Variants in SLC25A21 observed in about 807,000 individuals in gnomAD.
SLC25A21 encodes solute carrier family 25 member 21, also known as mitochondrial 2-oxodicarboxylate carrier.
A neutral mutation model predicts 43.8 loss-of-function variants in SLC25A21; 47 were observed. That is an observed-to-expected ratio of 1.07 (90% CI 0.85 to 1.37). SLC25A21 has a LOEUF of 1.37. SLC25A21 is among the 40% of genes most tolerant of loss of function. SLC25A21 has a pLI of 0.00. For synonymous variants in SLC25A21, 131 were observed against 121.3 expected (o/e 1.08, Z -0.52); for missense variants, 352 against 350.2 (o/e 1.00, Z -0.04).
intron 1 of SLC25A21, among the ~76,000 whole-genome samples, chr14:37,151,111 T>C (rs986711302): frequency 3.3e-5 from 5 of 152,204 alleles, no homozygotes; most frequent in Admixed American, 1.3e-4. Context: ...TCGAGTTCTA[T>C]TGAATTTCAT....
intron 1 of SLC25A21, among the ~76,000 whole-genome samples, chr14:37,030,190 A>G (rs1267049997): frequency 6.6e-6 from 1 of 152,242 alleles, no homozygotes; most frequent in Non-Finnish European, 1.5e-5. Context: ...AAATACATTT[A>G]CTTTTCATTA....
chr14:36,752,950 T>A (rs1351287977), intron 3 of SLC25A21, among the ~76,000 whole-genome samples: 1 of 152,214 alleles, frequency 6.6e-6, no homozygotes, highest in Non-Finnish European at 1.5e-5. Context: ...AGTCAATATA[T>A]AACCCAGTCT....
chr14:37,073,815 T>A (rs1594780662), intron 1 of SLC25A21, among the ~76,000 whole-genome samples: 1 of 152,138 alleles, frequency 6.6e-6, no homozygotes, highest in East Asian at 1.9e-4. Context: ...CAGGTTAGCC[T>A]CCTGCGATCC....
At chr14:37,006,811 C>A (rs1463605545) in intron 1 of SLC25A21, among the ~76,000 whole-genome samples, 3 of 152,048 alleles carry the variant, frequency 2.0e-5, no homozygotes, top group African/African-American at 4.8e-5. Context: ...TTTAGAAGCA[C>A]AGAAATATAT....
rs1051763295 is a variant in SLC25A21 at position 36,678,713 on chromosome 14, T to C, written c.*1945A>G. On this transcript the variant is annotated 3_prime_UTR_variant, in exon 10 of 10. Coordinates refer to ENST00000331299, the MANE Select transcript of SLC25A21 (RefSeq NM_030631.4). ...ATAATGTTATTTTCTTTATCTAAAT[T>C]AAGAAATCTCTTGTTATTGTGCTAT... The C allele has an allele frequency of 8.2e-7, 1 of 1,215,060 alleles. No homozygotes were observed. Among genetic ancestry groups the C allele is most frequent in the East Asian group, 3.2e-5 (1 of 30,948 alleles). 75.3% of individuals were successfully genotyped at this position (1,215,060 alleles called of 1,614,324 possible).
chr14:36,894,518 G>C (rs1175829677), intron 1 of SLC25A21, among the ~76,000 whole-genome samples: 24 of 151,924 alleles, frequency 1.6e-4, no homozygotes, highest in Non-Finnish European at 1.5e-5. Flanking sequence ...TTTCCTAATT[G>C]AATACCCTTT....
intron 1 of SLC25A21, among the ~76,000 whole-genome samples, chr14:37,019,990 T>C (rs866731415): frequency 5.9e-5 from 9 of 152,088 alleles, no homozygotes; most frequent in Middle Eastern, 3.4e-3. Flanking sequence ...AATCTAAACA[T>C]GTGAGATAAA....
At chr14:36,945,024 T>C (rs545538892) in intron 1 of SLC25A21, among the ~76,000 whole-genome samples, 115 of 152,246 alleles carry the variant, frequency 7.6e-4, no homozygotes, top group Non-Finnish European at 1.2e-3. Flanking sequence ...TCCTAGTCAG[T>C]CTTCTCAGGA....
chr14:36,796,895 C>G (rs1038284593), intron 3 of SLC25A21, among the ~76,000 whole-genome samples: 1 of 152,086 alleles, frequency 6.6e-6, no homozygotes, highest in South Asian at 2.1e-4. Context: ...CTGGACTCAG[C>G]GAGTAAGCCT....
chr14:36,788,710 T>A (rs1268045924), intron 3 of SLC25A21: 1 of 151,924 alleles, frequency 6.6e-6, no homozygotes, highest in Non-Finnish European at 1.5e-5. Context: ...GTGGAAATCT[T>A]TGGATTCTGA....
intron 1 of SLC25A21, among the ~76,000 whole-genome samples, chr14:36,919,080 AATGAATGG>A (rs1396783752): frequency 6.6e-6 from 1 of 151,858 alleles, no homozygotes; most frequent in East Asian, 1.9e-4. Flanking sequence ...ATATAAAATA[AATGAATGG>A]ATGAATGAAT....
chr14:37,133,851 C>T (rs1333249220), intron 1 of SLC25A21, among the ~76,000 whole-genome samples: 2 of 152,110 alleles, frequency 1.3e-5, no homozygotes, highest in African/African-American at 4.8e-5. Context: ...CCTTCAATAC[C>T]CAACATAATT....
At chr14:37,167,729 T>C (rs550264200) in intron 1 of SLC25A21, among the ~76,000 whole-genome samples, 8 of 152,194 alleles carry the variant, frequency 5.3e-5, no homozygotes, top group African/African-American at 1.7e-4. Context: ...TTGAGATATT[T>C]TGCAGACCCT....
chr14:36,975,002 C>T (rs538905880), intron 1 of SLC25A21, among the ~76,000 whole-genome samples: 1 of 152,258 alleles, frequency 6.6e-6, no homozygotes, highest in African/African-American at 2.4e-5. Flanking sequence ...TGATGACTTC[C>T]ATTTTTAAAG....
At chr14:36,936,693 A>G (rs180973718) in intron 1 of SLC25A21, among the ~76,000 whole-genome samples, 2 of 152,310 alleles carry the variant, frequency 1.3e-5, no homozygotes, top group East Asian at 1.9e-4. Flanking sequence ...GAACGGTAAT[A>G]TAAGTAAACG....
chr14:36,993,824 GT>G (rs1161914870), intron 1 of SLC25A21, among the ~76,000 whole-genome samples: 1 of 152,082 alleles, frequency 6.6e-6, no homozygotes. Flanking sequence ...TCCCTTAAAT[GT>G]GGCCACTTGA....
intron 1 of SLC25A21, among the ~76,000 whole-genome samples, chr14:37,030,738 C>T (rs948415400): frequency 2.0e-5 from 3 of 152,042 alleles, no homozygotes; most frequent in Admixed American, 6.6e-5. Flanking sequence ...AACTGAGGGC[C>T]TCATATCATC....
At chr14:36,935,918 G>A (rs1892412011) in intron 1 of SLC25A21, among the ~76,000 whole-genome samples, 1 of 152,092 alleles carries the variant, frequency 6.6e-6, no homozygotes, top group Non-Finnish European at 1.5e-5. Flanking sequence ...ACCTTATGGA[G>A]TCCTGCAGGT....
intron 2 of SLC25A21, among the ~76,000 whole-genome samples, chr14:36,848,472 C>G (rs1195462102): frequency 2.0e-5 from 3 of 152,170 alleles, no homozygotes; most frequent in Non-Finnish European, 4.4e-5. Context: ...CAGCAGCACT[C>G]TGCAACAGGG....
Sources: gnomAD v4.1 joint callset for allele counts (sites outside exome capture counted in the v4.1 genomes callset) on GRCh38, gnomAD v4.1.1 for gene constraint, MANE v1.5 for transcripts, NCBI Gene and HGNC (gene_info 2026-07-23, HGNC 2026-07-21) for gene names.